Variants in KIF3B observed in about 807,000 individuals in gnomAD.
KIF3B encodes kinesin-like protein KIF3B.
In KIF3B, 38 loss-of-function variants were observed where a neutral mutation model predicts 74.3. The ratio of observed to expected loss-of-function variants is 0.51; its 90% CI spans 0.39 to 0.67. The LOEUF (loss-of-function observed/expected upper bound fraction) is 0.67. KIF3B is among the 30% of genes least tolerant of loss of function. The pLI, the probability that KIF3B is intolerant of heterozygous loss-of-function variation, is 0.00. For synonymous variants in KIF3B, 326 were observed against 342.5 expected (o/e 0.95, Z 0.53); for missense variants, 649 against 932.0 (o/e 0.70, Z 3.95).
At position 32,331,273 on chromosome 20, in the gene KIF3B, C is replaced by G. The variant is rs2047928535; in HGVS notation, c.2198C>G (p.Pro733Arg). 5 of 1,613,680 alleles carry G rather than the reference C, an allele frequency of 3.1e-6. No homozygotes were observed. Among genetic ancestry groups the G allele is most frequent in the Non-Finnish European group, 4.2e-6 (5 of 1,179,888 alleles). The stretch of plus-strand genomic sequence containing the variant: ...TCCTCCTCCTCTTCCTCAGGAACCC[C>G]TGCATCTCAGCTTTATCCACAGTCT... ...SGSSSSSSGT[P>R]ASQLYPQSRG... The change falls in exon 9 of 9, where the codon CCT becomes CGT. Residue 733 changes from proline (P) to arginine (R), a missense_variant. Transcript: ENST00000375712.
At position 32,331,246 on chromosome 20, in the gene KIF3B, G is replaced by A; in HGVS notation, c.2171G>A (p.Gly724Glu). ...AGGCCTAAAAGTGGAAGGAAGTCGGGATCCTCCTCCTCTTCCTCAGGAACC... is the reference window on the plus strand; with the variant it reads ...AGGCCTAAAAGTGGAAGGAAGTCGGAATCCTCCTCCTCTTCCTCAGGAACC... ...KARPKSGRKS[G>E]SSSSSSGTPA... Residue 724 changes from glycine (G) to glutamate (E), a missense_variant, in exon 9 of 9, where the codon GGA (glycine) becomes GAA (glutamate). Coordinates refer to ENST00000375712, the MANE Select transcript of KIF3B (RefSeq NM_004798.4). 1 of 1,613,588 alleles carries A rather than the reference G, an allele frequency of 6.2e-7. No individual in the cohort carries two copies. Among genetic ancestry groups the A allele is most frequent in the Non-Finnish European group, 8.5e-7 (1 of 1,179,848 alleles).
chr20:32,314,538 TA>T lies in KIF3B; in HGVS notation c.1405-1666del, dbSNP rs770674327. 6.8e-3 allele frequency among the ~76,000 whole-genome samples: 942 copies of T among 138,544 alleles called. 1 individual carries two copies. Among genetic ancestry groups the T allele is most frequent in the East Asian group, 8.6e-3 (42 of 4,860 alleles). 90.9% of individuals were successfully genotyped at this position (138,544 alleles called of 152,430 possible). ...CTGGGCGACAAAGCGAGACTCCATC[TA>T]AAAAAAAAAAAAAGAATGTTAGAGT... On this transcript the variant is annotated intron_variant, in intron 2 of 8. Coordinates refer to ENST00000375712, the MANE Select transcript of KIF3B (RefSeq NM_004798.4).
At chr20:32,292,405 G>A (rs1417900898) in intron 1 of KIF3B, among the ~76,000 whole-genome samples, 2 of 151,794 alleles carry the variant, frequency 1.3e-5, no homozygotes, top group Non-Finnish European at 1.5e-5. Flanking sequence ...AGACCAGCCT[G>A]TGCAACAAAG....
chr20:32,313,060 A>G (rs1160633249), intron 2 of KIF3B, among the ~76,000 whole-genome samples: 2 of 152,184 alleles, frequency 1.3e-5, no homozygotes, highest in African/African-American at 4.8e-5. Flanking sequence ...TCTTATAGTC[A>G]GCCTCCTCTC....
At chr20:32,305,742 A>G (rs1373664439) in intron 1 of KIF3B, among the ~76,000 whole-genome samples, 2 of 150,746 alleles carry the variant, frequency 1.3e-5, no homozygotes, top group African/African-American at 4.9e-5. Context: ...GCCCGGCTAA[A>G]TTTTTGTATT....
At chr20:32,322,638 TTA>T (rs576417246) in intron 5 of KIF3B, among the ~76,000 whole-genome samples, 2 of 77,540 alleles carry the variant, frequency 2.6e-5, no homozygotes, top group Admixed American at 2.0e-4. Flanking sequence ...TTATATATAT[TTA>T]TATATATATT....
intron 1 of KIF3B, among the ~76,000 whole-genome samples, chr20:32,278,796 A>G (rs2047628067): frequency 6.6e-6 from 1 of 152,144 alleles, no homozygotes; most frequent in African/African-American, 2.4e-5. Context: ...GAAGCACTTT[A>G]CCAGGCATAT....
intron 1 of KIF3B, among the ~76,000 whole-genome samples, chr20:32,297,859 G>A (rs996824162): frequency 6.6e-6 from 1 of 151,988 alleles, no homozygotes; most frequent in Non-Finnish European, 1.5e-5. Context: ...TATAATCCCA[G>A]CACTTTGGGA....
intron 1 of KIF3B, among the ~76,000 whole-genome samples, chr20:32,299,475 A>C (rs1175283151): frequency 1.5e-5 from 2 of 134,524 alleles, no homozygotes. Context: ...CAGTGTCGCA[A>C]TCTCAGCTCG....
At chr20:32,304,691 G>C (rs1166543171) in intron 1 of KIF3B, among the ~76,000 whole-genome samples, 5 of 152,168 alleles carry the variant, frequency 3.3e-5, no homozygotes, top group African/African-American at 7.2e-5. Context: ...TAAAAAGGGA[G>C]AGGATAAATG....
At position 32,310,524 on chromosome 20, in the gene KIF3B, C is replaced by A; in HGVS notation, c.747C>A (p.Ser249Arg). The A allele has an allele frequency of 5.6e-6, 9 of 1,613,792 alleles. No homozygotes were observed. Among genetic ancestry groups the A allele is most frequent in the Non-Finnish European group, 7.6e-6 (9 of 1,179,998 alleles). ...GKLNLVDLAG[S>R]ERQAKTGAQG... The stretch of plus-strand genomic sequence containing the variant: ...TGAACCTTGTAGATCTTGCTGGCAG[C>A]GAACGGCAAGCCAAGACCGGCGCAC... Residue 249 changes from serine (S) to arginine (R), a missense_variant, in exon 2 of 9, where the codon AGC becomes AGA. Around this residue, in one of 4 missense-constraint regions of KIF3B, gnomAD observed 363 missense variants for 592.8 expected, o/e 0.61. Transcript: ENST00000375712. The surrounding 1 kb of genome is among the most constrained non-coding windows in gnomAD (Gnocchi z 6.5).
At chr20:32,294,955 C>T (rs1186499444) in intron 1 of KIF3B, among the ~76,000 whole-genome samples, 2 of 152,116 alleles carry the variant, frequency 1.3e-5, no homozygotes, top group African/African-American at 4.8e-5. Flanking sequence ...CATAGTTTCC[C>T]ATTGTAGAGA....
At position 32,334,675 on chromosome 20, in the gene KIF3B, G is replaced by A. The variant is rs1439604816; in HGVS notation, c.*3356G>A. 6.6e-6 allele frequency: 1 copy of A among 152,238 alleles called. No homozygotes were observed. Among genetic ancestry groups the A allele is most frequent in the Non-Finnish European group, 1.5e-5 (1 of 68,056 alleles). The allele number at this position is 152,238 out of a possible 1,614,324, so 9.4% of individuals were successfully genotyped here. A position where few individuals can be genotyped will look rare whatever the true frequency, so the allele number is the denominator to read the frequency against. On this transcript the variant is annotated 3_prime_UTR_variant, in exon 9 of 9. Transcript: ENST00000375712. Reference sequence around the variant, plus strand: ...ACTGGCTAAGAATAGTGGGCCTGGTGATTGTCTATCACGCAAGGCTTTGTT... The same window carrying A: ...ACTGGCTAAGAATAGTGGGCCTGGTAATTGTCTATCACGCAAGGCTTTGTT...
chr20:32,299,379 G>GTGTGTATATATATATATA (rs1187264463), intron 1 of KIF3B, among the ~76,000 whole-genome samples: 4 of 23,092 alleles, frequency 1.7e-4, no homozygotes, highest in South Asian at 1.5e-3. Context: ...TGGTGTGTGT[G>GTGTGTATATATATATATA]TATATATATA....
rs547408260 is a variant in KIF3B at position 32,290,931 on chromosome 20, A to G, written c.-66+13166A>G. Reference sequence around the variant, plus strand: ...GCATACATGGAATGGAATATTATTCAGCCTTAAAAAAGAAGGAAGTTCTGA... The same window carrying G: ...GCATACATGGAATGGAATATTATTCGGCCTTAAAAAAGAAGGAAGTTCTGA... On this transcript the variant is annotated intron_variant, in intron 1 of 8. Coordinates refer to ENST00000375712, the MANE Select transcript of KIF3B (RefSeq NM_004798.4). Among the ~76,000 whole-genome samples the G allele has an allele frequency of 3.9e-5, 6 of 152,222 alleles. No individual in the cohort carries two copies. The East Asian group carries it at 1.2e-3, about 29-fold the overall frequency.
rs1273955415 is a variant in KIF3B at position 32,289,990 on chromosome 20, GTCT to G, written c.-66+12232_-66+12234del. ...CTTGTGGGCCAGACGCTTGCTGCCT[GTCT>G]TCTTCTAGTCCTCACACGGCCCCAA... On this transcript the variant is annotated intron_variant, in intron 1 of 8. Transcript: ENST00000375712. Among the ~76,000 whole-genome samples the G allele has an allele frequency of 1.2e-4, 18 of 152,254 alleles. No homozygotes were observed. In the East Asian group the frequency reaches 2.1e-3, roughly 18 times the overall value.
intron 8 of KIF3B, among the ~76,000 whole-genome samples, chr20:32,330,741 A>G (rs1458489317): frequency 6.6e-6 from 1 of 152,250 alleles, no homozygotes. Context: ...AAGGAAACCC[A>G]GCAAGTAAGG....
intron 5 of KIF3B, among the ~76,000 whole-genome samples, chr20:32,317,219 G>A (rs1285341911): frequency 2.0e-5 from 3 of 151,938 alleles, no homozygotes; most frequent in Admixed American, 6.6e-5. Context: ...CCTGGGCGAC[G>A]GAGTGAGAAA....
chr20:32,322,672 T>G (rs866593673), intron 5 of KIF3B, among the ~76,000 whole-genome samples: 1 of 38,564 alleles, frequency 2.6e-5, no homozygotes, highest in African/African-American at 2.6e-4. Flanking sequence ...ATATATATAT[T>G]TATATATTTA....
Sources: gnomAD v4.1 joint callset for allele counts (sites outside exome capture counted in the v4.1 genomes callset) on GRCh38, gnomAD v4.1.1 for gene constraint, gnomAD v4.1.1 regional missense constraint, Gnocchi (gnomAD v3.1) non-coding constraint, MANE v1.5 for transcripts, NCBI Gene and HGNC (gene_info 2026-07-23, HGNC 2026-07-21) for gene names.